TANC2: variants seen among roughly 807,000 people sequenced by gnomAD.
TANC2 encodes the protein tetratricopeptide repeat, ankyrin repeat and coiled-coil containing 2, also known as protein TANC2.
A neutral mutation model predicts 210.5 loss-of-function variants in TANC2; 26 were observed. That is an observed-to-expected ratio of 0.12 (90% CI 0.09 to 0.17). The LOEUF is 0.17. Ranked by LOEUF, TANC2 falls within the 10% of genes least tolerant of loss-of-function variation. The pLI is 1.00. For missense variants in TANC2, 2,129 were observed against 2,608.9 expected, an observed-to-expected ratio of 0.82 and a Z score of 4.01; for synonymous variants, 931 against 967.1, an observed-to-expected ratio of 0.96 and a Z score of 0.69.
At chr17:63,148,957 A>G (rs2039554725) in intron 4 of TANC2, 1 of 152,166 alleles carries the variant, frequency 6.6e-6, no homozygotes, top group African/African-American at 2.4e-5. Context: ...CTTGGATGAG[A>G]ACACCATTAT....
At chr17:63,211,646 A>G (rs1474500362) in intron 7 of TANC2, among the ~76,000 whole-genome samples, 3 of 152,068 alleles carry the variant, frequency 2.0e-5, no homozygotes, top group Non-Finnish European at 2.9e-5. Flanking sequence ...GCCTATCTGT[A>G]TTATTAAATT....
exon 28 of TANC2, chr17:63,426,225 C>A (rs2049140014): frequency 6.6e-6 from 1 of 152,280 alleles, no homozygotes; most frequent in South Asian, 2.1e-4. Context: ...AGCTCTTTCT[C>A]CTCTTCCTCT....
intron 4 of TANC2, among the ~76,000 whole-genome samples, chr17:63,111,573 A>G (rs2038046695): frequency 6.6e-6 from 1 of 151,784 alleles, no homozygotes; most frequent in Admixed American, 6.6e-5. Flanking sequence ...TTCATCTTTG[A>G]TTATGGTTTT....
At chr17:63,000,118 C>T (rs2033305882) in intron 1 of TANC2, among the ~76,000 whole-genome samples, 1 of 152,164 alleles carries the variant, frequency 6.6e-6, no homozygotes, top group Non-Finnish European at 1.5e-5. Context: ...CAAAAAATTA[C>T]CTATTAGATA....
chr17:62,995,338 G>A (rs760918250), intron 1 of TANC2, among the ~76,000 whole-genome samples: 2 of 152,170 alleles, frequency 1.3e-5, no homozygotes, highest in Admixed American at 6.5e-5. Flanking sequence ...ATCCAGAATC[G>A]GGTGGATTGA....
chr17:63,217,793 C>G (rs2042062207), intron 7 of TANC2, among the ~76,000 whole-genome samples: 1 of 152,178 alleles, frequency 6.6e-6, no homozygotes, highest in Non-Finnish European at 1.5e-5. Flanking sequence ...GACCAATTAT[C>G]TCTCATGAAT....
chr17:63,376,487 G>C (rs1472175056), intron 14 of TANC2, among the ~76,000 whole-genome samples: 2 of 152,142 alleles, frequency 1.3e-5, no homozygotes, highest in African/African-American at 4.8e-5. Flanking sequence ...GCCTTCTGCT[G>C]TGACTGTAGA....
chr17:63,243,349 C>T (rs1312677943), intron 8 of TANC2, among the ~76,000 whole-genome samples: 1 of 152,148 alleles, frequency 6.6e-6, no homozygotes, highest in Non-Finnish European at 1.5e-5. Context: ...CCTCACAATT[C>T]CATTTCTGAA....
At chr17:63,262,480 G>A (rs1467845975) in intron 8 of TANC2, among the ~76,000 whole-genome samples, 2 of 152,152 alleles carry the variant, frequency 1.3e-5, no homozygotes, top group Non-Finnish European at 2.9e-5. Context: ...GCAAGCCACC[G>A]CACCCAGCTG....
intron 4 of TANC2, among the ~76,000 whole-genome samples, chr17:63,122,850 A>G (rs1453386861): frequency 2.0e-5 from 3 of 152,196 alleles, no homozygotes; most frequent in Admixed American, 2.0e-4. Flanking sequence ...ATTGGAGAAA[A>G]TATTGTTTAT....
chr17:63,053,667 A>G (rs948115543), intron 2 of TANC2, among the ~76,000 whole-genome samples: 3 of 152,202 alleles, frequency 2.0e-5, no homozygotes, highest in Non-Finnish European at 4.4e-5. Context: ...CTATATTTCT[A>G]TGCCTATTTG....
rs140396676 is a variant in TANC2 at position 63,352,812 on chromosome 17, T to TCTTAAGTA, written c.1974+1402_1974+1403insTACTTAAG. Among the ~76,000 whole-genome samples the TCTTAAGTA allele has an allele frequency of 8.1e-3, 1,235 of 152,274 alleles. 13 individuals carry two copies. The highest frequency in any genetic ancestry group is 0.027 in the African/African-American group (1,127 of 41,552). On this transcript the variant is annotated intron_variant, in intron 13 of 27. Coordinates refer to ENST00000689528, the Ensembl canonical transcript of TANC2. ...GATCATCATTATTTCCACAAACATT[T>TCTTAAGTA]CTTAAGAGTATTTCAGGGACTGTTC...
intron 18 of TANC2, chr17:63,397,014 C>T (rs1184588063): frequency 1.3e-5 from 2 of 151,834 alleles, no homozygotes; most frequent in African/African-American, 4.8e-5. Context: ...GTGGCTCACG[C>T]CTGTAATCCC....
chr17:63,121,969 G>A (rs1295266235), intron 4 of TANC2, among the ~76,000 whole-genome samples: 2 of 149,530 alleles, frequency 1.3e-5, no homozygotes, highest in Non-Finnish European at 3.0e-5. Flanking sequence ...TTCATCTCTT[G>A]CGGGGGGAGG....
chr17:63,244,941 C>T (rs774334911), intron 8 of TANC2, among the ~76,000 whole-genome samples: 1 of 152,108 alleles, frequency 6.6e-6, no homozygotes, highest in African/African-American at 2.4e-5. Context: ...TGCCTTCTGC[C>T]ATGATTGTGA....
chr17:63,408,016 G>A (rs1406533080), intron 21 of TANC2, among the ~76,000 whole-genome samples: 1 of 152,176 alleles, frequency 6.6e-6, no homozygotes, highest in Non-Finnish European at 1.5e-5. Context: ...ATCTGGGGAG[G>A]CTTTAAAAAT....
chr17:63,361,347 C>T (rs969410280), intron 14 of TANC2, among the ~76,000 whole-genome samples: 11 of 152,206 alleles, frequency 7.2e-5, no homozygotes, highest in African/African-American at 2.7e-4. Flanking sequence ...TCCCACACCT[C>T]CCAAGGGTGA....
At chr17:63,351,320 G>A (rs2046600552) in exon 13 of TANC2, 2 of 1,610,082 alleles carry the variant, frequency 1.2e-6, no homozygotes, top group Non-Finnish European at 1.7e-6. Flanking sequence ...TTCACAAACC[G>A]GATTATGGGG....
At chr17:63,036,821 A>C (rs556553775) in intron 2 of TANC2, among the ~76,000 whole-genome samples, 1 of 148,320 alleles carries the variant, frequency 6.7e-6, no homozygotes, top group Non-Finnish European at 1.5e-5. Context: ...GATCTTGTAC[A>C]TGTTTCATTA....
Sources: gnomAD v4.1 joint callset for allele counts (sites outside exome capture counted in the v4.1 genomes callset) on GRCh38, gnomAD v4.1.1 for gene constraint, MANE v1.5 for transcripts, NCBI Gene and HGNC (gene_info 2026-07-23, HGNC 2026-07-21) for gene names.